PKIB: variants seen among roughly 807,000 people sequenced by gnomAD.
PKIB encodes cAMP-dependent protein kinase inhibitor beta.
Under a neutral mutation model 4.5 loss-of-function variants are expected in PKIB, and 2 were observed. That is an observed-to-expected ratio of 0.44 (90% CI 0.18 to 1.39). PKIB has a LOEUF of 1.39. Among genes scored for constraint, PKIB ranks in the 40% most tolerant of loss-of-function variants. The pLI is 0.27. For synonymous variants in PKIB, 38 were observed against 36.0 expected (o/e 1.06, Z -0.20); for missense variants, 94 against 92.6 (o/e 1.02, Z -0.06).
intron 2 of PKIB, among the ~76,000 whole-genome samples, chr6:122,566,164 C>T (rs1246555473): frequency 6.6e-6 from 1 of 151,710 alleles, no homozygotes; most frequent in African/African-American, 2.4e-5. Flanking sequence ...CTTGGGTCAC[C>T]CTTGAAGATG....
At chr6:122,503,873 C>T (rs928485771) in intron 2 of PKIB, among the ~76,000 whole-genome samples, 1 of 152,112 alleles carries the variant, frequency 6.6e-6, no homozygotes, top group African/African-American at 2.4e-5. Context: ...AATACAGGAG[C>T]ACCAAAACAA....
chr6:122,691,318 T>C (rs1036617713), intron 3 of PKIB, among the ~76,000 whole-genome samples: 3 of 152,138 alleles, frequency 2.0e-5, no homozygotes, highest in African/African-American at 7.2e-5. Flanking sequence ...CAATAACTCT[T>C]AGATTTGCCT....
intron 2 of PKIB, among the ~76,000 whole-genome samples, chr6:122,664,310 T>G (rs996253031): frequency 6.6e-6 from 1 of 152,208 alleles, no homozygotes; most frequent in African/African-American, 2.4e-5. Flanking sequence ...GAAGTATAAA[T>G]TCAGCTAGTT....
chr6:122,539,466 T>G (rs1389071756), intron 2 of PKIB, among the ~76,000 whole-genome samples: 1 of 152,108 alleles, frequency 6.6e-6, no homozygotes, highest in African/African-American at 2.4e-5. Context: ...TTGGTTCTGT[T>G]TATATGCTGG....
chr6:122,710,246 A>G (rs778246275), intron 3 of PKIB, among the ~76,000 whole-genome samples: 2 of 152,082 alleles, frequency 1.3e-5, no homozygotes, highest in African/African-American at 4.8e-5. Flanking sequence ...ATAAACCGCC[A>G]TTTGACATTT....
intron 2 of PKIB, among the ~76,000 whole-genome samples, chr6:122,527,926 T>A (rs2114611754): frequency 6.6e-6 from 1 of 152,302 alleles, no homozygotes; most frequent in South Asian, 2.1e-4. Context: ...CCCTGTTTTC[T>A]TATTGATATT....
chr6:122,605,407 C>T (rs1200733942), upstream of PKIB, among the ~76,000 whole-genome samples: 3 of 152,170 alleles, frequency 2.0e-5, no homozygotes, highest in Non-Finnish European at 4.4e-5. Flanking sequence ...TTGAATATTC[C>T]TCAGAGTGTC....
intron 1 of PKIB, among the ~76,000 whole-genome samples, chr6:122,617,008 TTTCTACCC>T (rs1302591204): frequency 6.6e-6 from 1 of 152,160 alleles, no homozygotes; most frequent in Non-Finnish European, 1.5e-5. Context: ...ATCTACAGCC[TTTCTACCC>T]TTCTAATTTG....
intron 2 of PKIB, among the ~76,000 whole-genome samples, chr6:122,666,822 C>A (rs1247661342): frequency 6.6e-6 from 1 of 152,170 alleles, no homozygotes; most frequent in African/African-American, 2.4e-5. Context: ...TCCTGTGAAT[C>A]GACTTAGTCA....
In PKIB at chr6:122,568,060, C is replaced by T. The variant is rs574321624; in HGVS notation, c.-247-17861C>T. Among the ~76,000 whole-genome samples the T allele has an allele frequency of 8.3e-4, 126 of 151,782 alleles. 1 individual carries two copies. The highest frequency in any genetic ancestry group is 1.4e-3 in the Admixed American group (22 of 15,240). On this transcript the variant is annotated intron_variant, in intron 2 of 6. Transcript: ENST00000392491. Reference sequence around the variant, plus strand: ...ATTATAAAAGTTGTACATTTTCATACGTCAAAAAACGAATGACTCTTTTTC... The same window carrying T: ...ATTATAAAAGTTGTACATTTTCATATGTCAAAAAACGAATGACTCTTTTTC...
chr6:122,546,706 A>T (rs1191168561), intron 2 of PKIB, among the ~76,000 whole-genome samples: 2 of 152,040 alleles, frequency 1.3e-5, no homozygotes, highest in African/African-American at 4.8e-5. Context: ...TTATTTATTT[A>T]TTTTTTACTT....
chr6:122,523,506 C>CATAATA (rs1777007689), intron 2 of PKIB, among the ~76,000 whole-genome samples: 1 of 152,108 alleles, frequency 6.6e-6, no homozygotes, highest in Non-Finnish European at 1.5e-5. Context: ...TAATAAGTCT[C>CATAATA]ATGAGATCTG....
At chr6:122,520,661 T>TTCTTCC (rs1562237597) in intron 2 of PKIB, among the ~76,000 whole-genome samples, 3 of 55,538 alleles carry the variant, frequency 5.4e-5, no homozygotes, top group Admixed American at 2.2e-4. Flanking sequence ...AAGTTTATGT[T>TTCTTCC]CCCACCCCCC....
intron 3 of PKIB, among the ~76,000 whole-genome samples, chr6:122,692,528 C>G (rs760413149): frequency 4.6e-5 from 7 of 152,130 alleles, no homozygotes; most frequent in Non-Finnish European, 8.8e-5. Context: ...TTGCCTAAAG[C>G]TCTTCAGTCA....
At chr6:122,695,479 T>C (rs1311484388) in intron 3 of PKIB, among the ~76,000 whole-genome samples, 1 of 152,136 alleles carries the variant, frequency 6.6e-6, no homozygotes, top group Admixed American at 6.5e-5. Flanking sequence ...ATCTTTAAGA[T>C]TCAAAAATGA....
intron 2 of PKIB, among the ~76,000 whole-genome samples, chr6:122,515,232 A>G (rs553979607): frequency 1.3e-5 from 2 of 152,312 alleles, no homozygotes; most frequent in South Asian, 4.1e-4. Flanking sequence ...TATTCCAGGT[A>G]TAAATAAACA....
chr6:122,561,994 G>GT, intron 2 of PKIB, among the ~76,000 whole-genome samples: 8,501 of 39,792 alleles, frequency 0.21, 1,757 homozygotes, highest in East Asian at 0.35. Flanking sequence ...GTTTGTTTTT[G>GT]TTTTTTTTTG....
chr6:122,544,626 C>T (rs1772428825), intron 2 of PKIB, among the ~76,000 whole-genome samples: 1 of 151,678 alleles, frequency 6.6e-6, no homozygotes, highest in Non-Finnish European at 1.5e-5. Context: ...TGGAGATTTC[C>T]CATATAAAAA....
At position 122,615,355 on chromosome 6, in the gene PKIB, G is replaced by A. The variant is rs886272076; in HGVS notation, c.-161+4820G>A. Among the ~76,000 whole-genome samples the A allele has an allele frequency of 3.0e-4, 45 of 152,130 alleles. 1 individual carries two copies. Among genetic ancestry groups the A allele is most frequent in the Non-Finnish European group, 5.9e-4 (40 of 68,026 alleles). On this transcript the variant is annotated intron_variant, in intron 1 of 4. Transcript: ENST00000368452. ...TGAATGAGTCAGGGCAGCAGAATTA[G>A]GGATGAGGAAAAGTATTCAGATTCT... is the stretch of plus-strand genomic sequence containing the variant.
Sources: allele counts gnomAD v4.1 joint callset (sites outside exome capture counted in the v4.1 genomes callset), GRCh38; gene constraint gnomAD v4.1.1; transcripts MANE v1.5; gene names NCBI Gene and HGNC (gene_info 2026-07-23, HGNC 2026-07-21).